XRN2: variants seen among roughly 807,000 people sequenced by gnomAD.
XRN2 encodes the protein DHM1-like protein.
Under a neutral mutation model 138.5 loss-of-function variants are expected in XRN2, and 44 were observed. The ratio of observed to expected loss-of-function variants is 0.32; its 90% CI spans 0.25 to 0.41. XRN2 has a LOEUF of 0.41. Ranked by LOEUF, XRN2 falls within the 10% of genes least tolerant of loss-of-function variation. The pLI, the probability that XRN2 is intolerant of heterozygous loss-of-function variation, is 1.00. For synonymous variants in XRN2, 354 were observed against 369.4 expected (o/e 0.96, Z 0.48); for missense variants, 937 against 1,169.3 (o/e 0.80, Z 2.90).
Position 21,332,578 on chromosome 20 carries a change from T to G in XRN2, c.858+138T>G, listed in dbSNP as rs2038228047. On this transcript the variant is annotated intron_variant, in intron 9 of 29. Transcript: ENST00000377191. The stretch of plus-strand genomic sequence containing the variant: ...TTAAATATTTGAGTTACCTTGTTTT[T>G]AAAATGGATGAAGAGAAGATTGTGG... The G allele has an allele frequency of 1.6e-5, 14 of 868,446 alleles. No homozygotes were observed. In the East Asian group the frequency reaches 4.0e-4, roughly 25 times the overall value. 53.8% of individuals were successfully genotyped at this position (868,446 alleles called of 1,614,324 possible). A position where few individuals can be genotyped will look rare whatever the true frequency, so the allele number is the denominator to read the frequency against.
Position 21,328,679 on chromosome 20 carries a change from T to C in XRN2, c.427+9T>C, listed in dbSNP as rs537204948. 1.3e-5 allele frequency: 21 copies of C among 1,611,102 alleles called. No homozygotes were observed. The Admixed American group carries it at 1.3e-4, about 10-fold the overall frequency. On this transcript the variant is annotated intron_variant, in intron 4 of 29. Coordinates refer to ENST00000377191, the MANE Select transcript of XRN2 (RefSeq NM_012255.5). ...AGAAATATTGGCAAAAGGTAAAGAA[T>C]ATGCATCTTGAAGTTGGATTTTTTC...
chr20:21,356,574 A>AT lies in XRN2; in HGVS notation c.2119-7dup. The AT allele has an allele frequency of 1.2e-6, 2 of 1,611,070 alleles. No individual in the cohort carries two copies. Among genetic ancestry groups the AT allele is most frequent in the Non-Finnish European group, 8.5e-7 (1 of 1,178,800 alleles). On this transcript the variant is annotated splice_polypyrimidine_tract_variant and intron_variant, in intron 22 of 29. Transcript: ENST00000377191. ...TCTTTGCATATGAGATCAGGAATGC[A>AT]TTTTTCCACAGCCAGTGGAGGTACC...
At chr20:21,362,951 A>G (rs1411363631) in intron 24 of XRN2, among the ~76,000 whole-genome samples, 1 of 152,180 alleles carries the variant, frequency 6.6e-6, no homozygotes, top group African/African-American at 2.4e-5. Flanking sequence ...GGGCTGCTCC[A>G]GTAAAACTGT....
chr20:21,321,757 A>G lies in XRN2; in HGVS notation c.76-4522A>G, dbSNP rs149843553. Among the ~76,000 whole-genome samples, 3 of 152,230 alleles carry G rather than the reference A, an allele frequency of 2.0e-5. No homozygotes were observed. The East Asian group carries it at 5.8e-4, about 29-fold the overall frequency. On this transcript the variant is annotated intron_variant, in intron 1 of 29. Transcript: ENST00000377191. Reference sequence around the variant, plus strand: ...CTGTTTGCCCTCAGGATCATTTCCAAAGGCTTTAAATGTTTTTGTTTTAAA... The same window carrying G: ...CTGTTTGCCCTCAGGATCATTTCCAGAGGCTTTAAATGTTTTTGTTTTAAA...
intron 1 of XRN2, among the ~76,000 whole-genome samples, chr20:21,307,305 G>T (rs1376147414): frequency 1.3e-5 from 1 of 76,384 alleles, no homozygotes; most frequent in Non-Finnish European, 3.1e-5. Flanking sequence ...CTTTGAGTCT[G>T]GAGTCTTACG....
At chr20:21,361,251 C>G (rs917981756) in intron 24 of XRN2, among the ~76,000 whole-genome samples, 1 of 152,058 alleles carries the variant, frequency 6.6e-6, no homozygotes, top group Non-Finnish European at 1.5e-5. Flanking sequence ...TTCAACCATG[C>G]TTAGGTTTTA....
At chr20:21,353,961 TTA>T (rs2038545389) in intron 20 of XRN2, among the ~76,000 whole-genome samples, 1 of 152,202 alleles carries the variant, frequency 6.6e-6, no homozygotes, top group Non-Finnish European at 1.5e-5. Flanking sequence ...AGTTTCAGAA[TTA>T]TTTAACACTA....
At chr20:21,349,206 A>G (rs1386427980) in intron 19 of XRN2, among the ~76,000 whole-genome samples, 183 bp from the exon 20 acceptor site, 1 of 152,208 alleles carries the variant, frequency 6.6e-6, no homozygotes, top group Non-Finnish European at 1.5e-5. Context: ...CTTTTAAAAT[A>G]ACATTGTTCA....
At chr20:21,318,478 T>A (rs1198128705) in intron 1 of XRN2, among the ~76,000 whole-genome samples, 1 of 152,138 alleles carries the variant, frequency 6.6e-6, no homozygotes, top group African/African-American at 2.4e-5. Context: ...TTACTCTCTT[T>A]TGGTATCTTA....
intron 27 of XRN2, among the ~76,000 whole-genome samples, chr20:21,373,889 A>G (rs2038789823): frequency 1.3e-5 from 2 of 152,124 alleles, no homozygotes; most frequent in South Asian, 2.1e-4. Context: ...TATATTGGAA[A>G]TATCTTTTTC....
In XRN2 at chr20:21,346,320, G is replaced by A. The variant is rs970394597; in HGVS notation, c.1530-95G>A. The stretch of plus-strand genomic sequence containing the variant: ...TTTAACTCTTTCACATTTCCCCTGG[G>A]TATTAAATATAAATTGATTTGGGGT... On this transcript the variant is annotated intron_variant, in intron 16 of 29. Coordinates refer to ENST00000377191, the MANE Select transcript of XRN2 (RefSeq NM_012255.5). 26 of 1,468,494 alleles carry A rather than the reference G, an allele frequency of 1.8e-5. No homozygotes were observed. In the South Asian group the frequency reaches 2.2e-4, roughly 13 times the overall value. The allele number at this position is 1,468,494 out of a possible 1,614,324, so 91.0% of individuals were successfully genotyped here.
At position 21,309,782 on chromosome 20, in the gene XRN2, A is replaced by G. The variant is rs1327512836; in HGVS notation, c.75+6309A>G. Among the ~76,000 whole-genome samples, 8 of 149,574 alleles carry G rather than the reference A, an allele frequency of 5.3e-5. No homozygotes were observed. In the East Asian group the frequency reaches 9.8e-4, roughly 18 times the overall value. On this transcript the variant is annotated intron_variant, in intron 1 of 29. Transcript: ENST00000377191. ...TCTTTTTTCTTCCTGTTAACTTGTT[A>G]TTATCCTTTTAATATTGTTAGAATC...
At chr20:21,319,938 CA>C (rs2038014356) in intron 1 of XRN2, among the ~76,000 whole-genome samples, 1 of 152,000 alleles carries the variant, frequency 6.6e-6, no homozygotes, top group African/African-American at 2.4e-5. Flanking sequence ...CTTTTTAATT[CA>C]ATTAAGAGAA....
At chr20:21,377,264 C>CTTTTTTTCTTTTTTTTTTTT (rs2038833972) in intron 27 of XRN2, among the ~76,000 whole-genome samples, 2 of 82,782 alleles carry the variant, frequency 2.4e-5, no homozygotes, top group Admixed American at 1.6e-4. Flanking sequence ...TCGGTTTTTT[C>CTTTTTTTCTTTTTTTTTTTT]TTTTTTTTTT....
Position 21,328,543 on chromosome 20 carries a change from T to C in XRN2, c.316-16T>C. 8 of 1,608,504 alleles carry C rather than the reference T, an allele frequency of 5.0e-6. No individual in the cohort carries two copies. In the South Asian group the frequency reaches 8.9e-5, roughly 18 times the overall value. ...ATATTTTGATGAGTGTTATGGAATA[T>C]GAAATACATTTTCAGGCACCACGTG... On this transcript the variant is annotated splice_polypyrimidine_tract_variant and intron_variant, in intron 3 of 29. Transcript: ENST00000377191.
At chr20:21,318,853 G>A (rs978926266) in intron 1 of XRN2, among the ~76,000 whole-genome samples, 4 of 151,874 alleles carry the variant, frequency 2.6e-5, no homozygotes, top group African/African-American at 9.7e-5. Flanking sequence ...TTTTTTGAGA[G>A]CATATTTCGT....
chr20:21,381,386 A>G (rs1358236879), intron 27 of XRN2, among the ~76,000 whole-genome samples: 1 of 152,218 alleles, frequency 6.6e-6, no homozygotes, highest in Admixed American at 6.5e-5. Flanking sequence ...AGCAGGAGCC[A>G]TTTAATTGTT....
intron 9 of XRN2, 69 bp downstream of exon 9, chr20:21,332,509 T>A: frequency 1.4e-6 from 2 of 1,414,062 alleles, no homozygotes; most frequent in Non-Finnish European, 9.5e-7. Flanking sequence ...GTATATGACA[T>A]AAAATATCAT....
chr20:21,332,180 G>C, intron 8 of XRN2, 103 bp from the exon 9 acceptor site: 1 of 1,372,378 alleles, frequency 7.3e-7, no homozygotes. Context: ...TCATTTGGGT[G>C]CTCATTTGGG....
Sources: gnomAD v4.1 joint callset for allele counts (sites outside exome capture counted in the v4.1 genomes callset) on GRCh38, gnomAD v4.1.1 for gene constraint, MANE v1.5 for transcripts, NCBI Gene and HGNC (gene_info 2026-07-23, HGNC 2026-07-21) for gene names.